SLC49A4: variants seen among roughly 807,000 people sequenced by gnomAD.
The protein encoded by SLC49A4 is disrupted in renal cancer protein 2.
Under a neutral mutation model 50.6 loss-of-function variants are expected in SLC49A4, and 36 were observed. The ratio of observed to expected loss-of-function variants is 0.71; its 90% confidence interval spans 0.55 to 0.94. SLC49A4 has a LOEUF of 0.94. Ranked by LOEUF, SLC49A4 falls within the 40% of genes least tolerant of loss-of-function variation. The probability of loss-of-function intolerance (pLI) is 0.00; values close to 1 mark genes in which losing one functional copy is unlikely to be tolerated. For synonymous variants in SLC49A4, 248 were observed against 241.2 expected, an observed-to-expected ratio of 1.03 and a Z score of -0.26; for missense variants, 503 against 605.7, an observed-to-expected ratio of 0.83 and a Z score of 1.78.
At chr3:122,851,200 A>C (rs1375155664) in intron 5 of SLC49A4, among the ~76,000 whole-genome samples, 2 of 152,126 alleles carry the variant, frequency 1.3e-5, no homozygotes, top group African/African-American at 4.8e-5. Context: ...ACTCGAATTT[A>C]TCTTCATGTT....
At chr3:122,847,371 G>A (rs1342678194) in intron 5 of SLC49A4, among the ~76,000 whole-genome samples, 2 of 110,396 alleles carry the variant, frequency 1.8e-5, no homozygotes, top group Non-Finnish European at 3.7e-5. Context: ...TTTTTTTGAT[G>A]GAGTCTCGCT....
Position 122,856,319 on chromosome 3 carries a change from T to C in SLC49A4, c.955T>C (p.Trp319Arg), listed in dbSNP as rs886667270. ...TCTTTCTTAACAGGTAGATGCTGGC[T>C]GGATTGGATTTTGGTCCATAGTTGG... The part of the protein sequence containing the change: ...PAHVSQVDAG[W>R]IGFWSIVGGC... The change falls in exon 6 of 9, where the codon TGG becomes CGG. Residue 319 changes from tryptophan to arginine, a missense_variant. Physicochemically the swap from Trp to Arg is moderately radical, Grantham distance 101 (BLOSUM62 -3). Transcript: ENST00000261038. 6.2e-7 allele frequency: 1 copy of C among 1,613,974 alleles called. No individual in the cohort carries two copies. The highest frequency in any genetic ancestry group is 1.3e-5 in the African/African-American group (1 of 74,942).
rs920748854 is a variant in SLC49A4, at chr3:122,881,101, TTC to T, written c.*1725_*1726del. ...AAAAGCTAGACTTAGTTCCAGTTAA[TTC>T]TGTTATTCTTCTGAAATAAAAATGA... On this transcript the variant is annotated 3_prime_UTR_variant, in exon 9 of 9. Transcript: ENST00000261038. The T allele has an allele frequency of 2.0e-5, 3 of 152,040 alleles. No homozygotes were observed. The highest frequency in any genetic ancestry group is 7.2e-5 in the African/African-American group (3 of 41,402). 9.4% of individuals were successfully genotyped at this position (152,040 alleles called of 1,614,324 possible). A position where few individuals can be genotyped will look rare whatever the true frequency, so the allele number is the denominator to read the frequency against.
chr3:122,797,819 A>G (rs1936068914), intron 1 of SLC49A4, among the ~76,000 whole-genome samples: 1 of 152,094 alleles, frequency 6.6e-6, no homozygotes, highest in South Asian at 2.1e-4. Context: ...CAAATCTACA[A>G]AAAATACAAA....
rs147616337 is a variant in SLC49A4 at position 122,868,810 on chromosome 3, A to G, written c.1139-3605A>G. On this transcript the variant is annotated intron_variant, in intron 7 of 8. Transcript: ENST00000261038. The stretch of plus-strand genomic sequence containing the variant: ...TGGTCATCACTTTTATGGTAATACA[A>G]GAAGCAAACACCAAGACTGAGACAA... Among the ~76,000 whole-genome samples, 27 of 152,368 alleles carry G rather than the reference A, an allele frequency of 1.8e-4. No homozygotes were observed. The East Asian group carries it at 4.8e-3, about 27-fold the overall frequency.
chr3:122,837,772 G>A (rs1238733986), intron 4 of SLC49A4, among the ~76,000 whole-genome samples: 1 of 151,176 alleles, frequency 6.6e-6, no homozygotes, highest in Non-Finnish European at 1.5e-5. Flanking sequence ...GAGTGAACAG[G>A]CAACCTACAG....
intron 5 of SLC49A4, among the ~76,000 whole-genome samples, chr3:122,853,410 A>G (rs1936948888): frequency 6.6e-6 from 1 of 152,178 alleles, no homozygotes; most frequent in Non-Finnish European, 1.5e-5. Flanking sequence ...TCTGGATGGC[A>G]GGTATTCCAA....
rs780847060 is a variant in SLC49A4, at chr3:122,856,322, A to T, written c.958A>T (p.Ile320Phe). ...TTCTTAACAGGTAGATGCTGGCTGG[A>T]TTGGATTTTGGTCCATAGTTGGAGG... ...AHVSQVDAGW[I>F]GFWSIVGGCV... The change falls in exon 6 of 9, where the codon ATT (isoleucine) becomes TTT (phenylalanine). Residue 320 changes from isoleucine to phenylalanine, a missense_variant. Physicochemically the swap from Ile to Phe is conservative, Grantham distance 21. Transcript: ENST00000261038. 15 of 1,613,882 alleles carry T rather than the reference A, an allele frequency of 9.3e-6. No homozygotes were observed. Among genetic ancestry groups the T allele is most frequent in the Non-Finnish European group, 1.3e-5 (15 of 1,179,938 alleles).
Position 122,844,511 on chromosome 3 carries a change from A to G in SLC49A4, c.834-1252A>G, listed in dbSNP as rs183478258. On this transcript the variant is annotated intron_variant, in intron 4 of 8. Transcript: ENST00000261038. ...AATTTCAAGAAGCGAGCCAGGTGCA[A>G]TGTCTCACGCCTGTAATCCCAGCAC... is the stretch of plus-strand genomic sequence containing the variant. Among the ~76,000 whole-genome samples, 421 of 152,176 alleles carry G rather than the reference A, an allele frequency of 2.8e-3. 4 individuals are homozygous for G. The highest frequency in any genetic ancestry group is 9.8e-3 in the African/African-American group (405 of 41,530).
At chr3:122,803,825 G>A in intron 1 of SLC49A4, among the ~76,000 whole-genome samples, 1 of 152,284 alleles carries the variant, frequency 6.6e-6, no homozygotes, top group South Asian at 2.1e-4. Flanking sequence ...TATCACATCT[G>A]TTGAAAGGAA....
At chr3:122,843,603 A>G (rs934877463) in intron 4 of SLC49A4, among the ~76,000 whole-genome samples, 3 of 152,204 alleles carry the variant, frequency 2.0e-5, no homozygotes, top group Non-Finnish European at 4.4e-5. Flanking sequence ...CAATTGGTCC[A>G]AAGTGCCTTA....
intron 2 of SLC49A4, among the ~76,000 whole-genome samples, chr3:122,826,372 G>A (rs1431625089): frequency 6.6e-6 from 1 of 152,170 alleles, no homozygotes; most frequent in Non-Finnish European, 1.5e-5. Flanking sequence ...AATCAGACCT[G>A]GATCTAAACT....
intron 2 of SLC49A4, among the ~76,000 whole-genome samples, chr3:122,825,035 G>T (rs983123730): frequency 1.3e-5 from 2 of 152,024 alleles, no homozygotes; most frequent in Non-Finnish European, 2.9e-5. Context: ...TCCCAGCCAG[G>T]AGTCCTGCTT....
At chr3:122,813,112 TG>T (rs1936321802) in intron 2 of SLC49A4, among the ~76,000 whole-genome samples, 1 of 151,910 alleles carries the variant, frequency 6.6e-6, no homozygotes. Flanking sequence ...TAGCCGGGCG[TG>T]GAGGCGCTTG....
intron 6 of SLC49A4, among the ~76,000 whole-genome samples, chr3:122,857,184 G>T (rs1301175149): frequency 6.8e-6 from 1 of 147,880 alleles, no homozygotes; most frequent in Non-Finnish European, 1.5e-5. Context: ...CAAAATGTCT[G>T]TGAAGACTTT....
At chr3:122,849,115 A>G (rs763135660) in intron 5 of SLC49A4, among the ~76,000 whole-genome samples, 2 of 152,176 alleles carry the variant, frequency 1.3e-5, no homozygotes, top group African/African-American at 2.4e-5. Flanking sequence ...CTTAACATCC[A>G]TGTTGCTGCA....
intron 4 of SLC49A4, among the ~76,000 whole-genome samples, chr3:122,844,557 G>A (rs1936822111): frequency 6.6e-6 from 1 of 152,162 alleles, no homozygotes; most frequent in African/African-American, 2.4e-5. Flanking sequence ...CAAGGTGGGT[G>A]GATCATCTGA....
At chr3:122,832,313 A>G (rs572956293) in intron 3 of SLC49A4, among the ~76,000 whole-genome samples, 1 of 152,198 alleles carries the variant, frequency 6.6e-6, no homozygotes, top group South Asian at 2.1e-4. Context: ...CAAAAGCTGG[A>G]ACTTCCAAGT....
intron 7 of SLC49A4, among the ~76,000 whole-genome samples, chr3:122,871,660 CA>C (rs1233568072): frequency 6.6e-6 from 1 of 152,032 alleles, no homozygotes; most frequent in Non-Finnish European, 1.5e-5. Context: ...TTTTCACCTT[CA>C]AGTTAAAATT....
Sources: allele counts gnomAD v4.1 joint callset (sites outside exome capture counted in the v4.1 genomes callset), GRCh38; gene constraint gnomAD v4.1.1; transcripts MANE v1.5; gene names NCBI Gene and HGNC (gene_info 2026-07-23, HGNC 2026-07-21).